Variants in SYNE1 observed in about 807,000 individuals in gnomAD.
SYNE1 encodes spectrin repeat containing nuclear envelope protein 1, also known as nesprin-1.
SYNE1 carries 616 observed loss-of-function variants against 1,111.0 expected under a neutral mutation model. The ratio of observed to expected loss-of-function variants is 0.55; its 90% CI spans 0.52 to 0.59. The LOEUF is 0.59. Ranked by LOEUF, SYNE1 falls within the 20% of genes least tolerant of loss-of-function variation. The pLI, the probability that SYNE1 is intolerant of heterozygous loss-of-function variation, is 0.00. For synonymous variants in SYNE1, 3,855 were observed against 3,825.8 expected (o/e 1.01, Z -0.28); for missense variants, 10,006 against 10,417.0 (o/e 0.96, Z 1.72).
intron 13 of SYNE1, among the ~76,000 whole-genome samples, chr6:152,484,405 C>T (rs1489265477): frequency 1.3e-5 from 2 of 152,200 alleles, no homozygotes; most frequent in African/African-American, 2.4e-5. Context: ...GAATGCAAAA[C>T]TGTATGTCAA....
At chr6:152,536,532 G>T (rs940612820) in intron 4 of SYNE1, among the ~76,000 whole-genome samples, 5 of 147,444 alleles carry the variant, frequency 3.4e-5, no homozygotes, top group African/African-American at 7.5e-5. Context: ...TCATCAGCTC[G>T]CTAGAGTCTA....
intron 40 of SYNE1, among the ~76,000 whole-genome samples, chr6:152,418,108 G>T (rs147925070): frequency 1.8e-4 from 28 of 152,252 alleles, no homozygotes; most frequent in Non-Finnish European, 2.5e-4. Flanking sequence ...CTTCAGATAG[G>T]TTCCTCTTGA....
At chr6:152,302,273 C>T in intron 91 of SYNE1, 1 of 646,432 alleles carries the variant, frequency 1.5e-6, no homozygotes, top group South Asian at 1.8e-5. Context: ...CCAAAGTGCC[C>T]GAGCCCGCGT....
chr6:152,398,419 C>A (rs2097767513), intron 49 of SYNE1, among the ~76,000 whole-genome samples, 200 bp downstream of exon 49: 1 of 152,134 alleles, frequency 6.6e-6, no homozygotes, highest in African/African-American at 2.4e-5. Context: ...GGAAAGGGAT[C>A]TGGAAATTCT....
Position 152,442,083 on chromosome 6 carries a change from G to A in SYNE1, c.4000C>T (p.Arg1334Cys), listed in dbSNP as rs754120599. 46 of 1,614,044 alleles carry A rather than the reference G, an allele frequency of 2.8e-5. No individual in the cohort carries two copies. The highest frequency in any genetic ancestry group is 1.6e-4 in the South Asian group (15 of 91,084). ...TAACTTCCGGCTCCTACCTGGATGCGGCGTTCCTGCCTCTCCCGGCTGCGC... is the reference window on the plus strand; with the variant it reads ...TAACTTCCGGCTCCTACCTGGATGCAGCGTTCCTGCCTCTCCCGGCTGCGC... ...LERSRERQER[R>C]IQVTLRKWER... is the part of the protein sequence containing the mutation. Residue 1334 changes from arginine (R) to cysteine (C), a missense_variant, in exon 31 of 146, where the codon CGC (arginine) becomes TGC (cysteine). By Grantham distance (180) the Arg-to-Cys change is radical (BLOSUM62 -3). Transcript: ENST00000367255.
chr6:152,339,215 T>C, intron 75 of SYNE1, 26 bp downstream of exon 75: 1 of 1,611,692 alleles, frequency 6.2e-7, no homozygotes, highest in Non-Finnish European at 8.5e-7. Flanking sequence ...AACAAACAAA[T>C]TCAATGTGAT....
intron 126 of SYNE1, among the ~76,000 whole-genome samples, chr6:152,205,688 TA>T (rs2153394135): frequency 6.6e-6 from 1 of 152,354 alleles, no homozygotes; most frequent in South Asian, 2.1e-4. Context: ...ACTAAGGGCT[TA>T]ATACACCTCC....
chr6:152,161,279 T>C (rs544927583), intron 131 of SYNE1, among the ~76,000 whole-genome samples: 1 of 148,502 alleles, frequency 6.7e-6, no homozygotes, highest in East Asian at 2.0e-4. Context: ...AATAAATATA[T>C]ATATTACATT....
chr6:152,508,034 G>A (rs1450773904), intron 8 of SYNE1, among the ~76,000 whole-genome samples: 1 of 152,074 alleles, frequency 6.6e-6, no homozygotes, highest in Non-Finnish European at 1.5e-5. Context: ...CCAAACTAGA[G>A]TCCCACGAAA....
chr6:152,291,438 G>A (rs1013921544), intron 95 of SYNE1, among the ~76,000 whole-genome samples: 1 of 152,008 alleles, frequency 6.6e-6, no homozygotes, highest in Non-Finnish European at 1.5e-5. Flanking sequence ...TGGCCTTAAT[G>A]ACAAGAAAAG....
In SYNE1 at chr6:152,321,364, G is replaced by T. The variant is rs138277154; in HGVS notation, c.16110C>A (p.His5370Gln). 299 of 1,613,692 alleles carry T rather than the reference G, an allele frequency of 1.9e-4. 5 individuals are homozygous for T. The highest frequency in any genetic ancestry group is 3.7e-4 in the Admixed American group (22 of 59,992). ...CTGCCATTTTTTCAATGTTCTGTCGGTGATTTGTGGCTTCTGTTAGGAGAA... is the reference window on the plus strand; with the variant it reads ...CTGCCATTTTTTCAATGTTCTGTCGTTGATTTGTGGCTTCTGTTAGGAGAA... ...LQILLTEATN[H>Q]RQNIEKMAEE... Residue 5370 changes from histidine to glutamine, a missense_variant, in exon 84 of 146, where the codon CAC becomes CAA. Physicochemically the swap from His to Gln is conservative, Grantham distance 24. Coordinates refer to ENST00000367255, the MANE Select transcript of SYNE1 (RefSeq NM_182961.4).
chr6:152,589,934 T>C (rs1051410547), intron 3 of SYNE1, among the ~76,000 whole-genome samples: 17 of 149,284 alleles, frequency 1.1e-4, no homozygotes, highest in Non-Finnish European at 1.8e-4. Context: ...ACATTTCTTT[T>C]TTTTTTTTTT....
chr6:152,590,688 G>A (rs1459261512), intron 3 of SYNE1, among the ~76,000 whole-genome samples: 1 of 152,054 alleles, frequency 6.6e-6, no homozygotes, highest in Non-Finnish European at 1.5e-5. Context: ...CTGAGTTATA[G>A]GATGTGTCCC....
intron 6 of SYNE1, among the ~76,000 whole-genome samples, chr6:152,512,981 T>G (rs940075349): frequency 1.3e-5 from 2 of 152,132 alleles, no homozygotes; most frequent in East Asian, 3.9e-4. Flanking sequence ...TCTCAAAGGG[T>G]GATTCCCAGA....
intron 6 of SYNE1, 125 bp from the exon 7 acceptor site, chr6:152,511,228 G>GC: frequency 1.2e-6 from 1 of 823,884 alleles, no homozygotes; most frequent in South Asian, 1.6e-5. Context: ...TAGTACATGG[G>GC]AGTAAGTAGA....
chr6:152,425,732 G>C (rs1010134894), intron 38 of SYNE1, among the ~76,000 whole-genome samples, 185 bp from the exon 39 acceptor site: 3 of 152,104 alleles, frequency 2.0e-5, no homozygotes, highest in East Asian at 1.9e-4. Context: ...AAAGGAATTT[G>C]GTTCATCCAC....
rs75207158 is a variant in SYNE1, at chr6:152,399,919, A to G, written c.7030-96T>C. 7,011 of 1,345,376 alleles carry G rather than the reference A, an allele frequency of 5.2e-3. 220 individuals are homozygous for G. In the African/African-American group the frequency reaches 0.081, roughly 16 times the overall value. 83.3% of individuals were successfully genotyped at this position (1,345,376 alleles called of 1,614,324 possible). A position where few individuals can be genotyped will look rare whatever the true frequency, so the allele number is the denominator to read the frequency against. Reference sequence around the variant, plus strand: ...TACTGTTTTACAATCTGAAATTGACATTGTTGAATCCACTCCATGGTGTAT... The same window carrying G: ...TACTGTTTTACAATCTGAAATTGACGTTGTTGAATCCACTCCATGGTGTAT... On this transcript the variant is annotated intron_variant, in intron 47 of 145. Coordinates refer to ENST00000367255, the MANE Select transcript of SYNE1 (RefSeq NM_182961.4).
At chr6:152,124,276 T>A (rs767212513) in intron 145 of SYNE1, among the ~76,000 whole-genome samples, 22 of 152,026 alleles carry the variant, frequency 1.4e-4, no homozygotes, top group Non-Finnish European at 3.1e-4. Context: ...ACCACTGCAC[T>A]CCATCCTGGG....
chr6:152,453,363 G>T lies in SYNE1; in HGVS notation c.3027+223C>A, dbSNP rs9397508. 6.1e-6 allele frequency: 4 copies of T among 656,782 alleles called. No homozygotes were observed. In the East Asian group the frequency reaches 1.1e-4, roughly 18 times the overall value. 40.7% of individuals were successfully genotyped at this position (656,782 alleles called of 1,614,324 possible). Reference sequence around the variant, plus strand: ...AATCAGGAAACCAAAAAGAATGCTCGAGTAATAGGATAAAATTGATGCTGA... The same window carrying T: ...AATCAGGAAACCAAAAAGAATGCTCTAGTAATAGGATAAAATTGATGCTGA... On this transcript the variant is annotated intron_variant, in intron 25 of 145. Coordinates refer to ENST00000367255, the MANE Select transcript of SYNE1 (RefSeq NM_182961.4).
Sources: allele counts gnomAD v4.1 joint callset (sites outside exome capture counted in the v4.1 genomes callset), GRCh38; gene constraint gnomAD v4.1.1; transcripts MANE v1.5; gene names NCBI Gene and HGNC (gene_info 2026-07-23, HGNC 2026-07-21).